Variants in BICRA observed in about 807,000 individuals in gnomAD.
BICRA encodes BRD4 interacting chromatin remodeling complex associated protein.
In BICRA, 31 loss-of-function variants were observed where a neutral mutation model predicts 96.9. The ratio of observed to expected loss-of-function variants is 0.32; its 90% CI spans 0.24 to 0.43. The LOEUF is 0.43. Among genes scored for constraint, BICRA ranks in the 20% least tolerant of loss-of-function variants. The pLI, the probability that BICRA is intolerant of heterozygous loss-of-function variation, is 1.00. For missense variants in BICRA, 2,283 were observed against 2,190.3 expected (o/e 1.04, Z -0.84); for synonymous variants, 1,350 against 1,071.8 (o/e 1.26, Z -5.07).
At chr19:47,674,008 G>A (rs1972904936) in intron 4 of BICRA, among the ~76,000 whole-genome samples, 1 of 152,168 alleles carries the variant, frequency 6.6e-6, no homozygotes. Flanking sequence ...ACCATGTAGA[G>A]TATGATAAAA....
intron 2 of BICRA, among the ~76,000 whole-genome samples, chr19:47,671,949 G>A (rs1373542417): frequency 7.6e-6 from 1 of 131,298 alleles, no homozygotes; most frequent in Non-Finnish European, 1.6e-5. Flanking sequence ...GGATGGGTGG[G>A]TAGATGGATG....
chr19:47,665,929 G>A (rs753806853), intron 1 of BICRA, among the ~76,000 whole-genome samples: 5 of 152,234 alleles, frequency 3.3e-5, no homozygotes, highest in Non-Finnish European at 5.9e-5. Flanking sequence ...AAGTGGGGCC[G>A]GGGACTTCTG....
intron 1 of BICRA, among the ~76,000 whole-genome samples, chr19:47,643,579 T>TC (rs1255893361): frequency 3.3e-5 from 5 of 152,142 alleles, no homozygotes; most frequent in African/African-American, 9.7e-5. Flanking sequence ...GACACCAGCC[T>TC]CCCACTGGGT....
At chr19:47,647,590 T>C (rs1455427686) in intron 1 of BICRA, among the ~76,000 whole-genome samples, 1 of 151,986 alleles carries the variant, frequency 6.6e-6, no homozygotes, top group Non-Finnish European at 1.5e-5. Flanking sequence ...ACAGGAAAAA[T>C]GATCTGTGGG....
chr19:47,621,666 G>T (rs1439124208), intron 1 of BICRA, among the ~76,000 whole-genome samples: 1 of 151,674 alleles, frequency 6.6e-6, no homozygotes, highest in Non-Finnish European at 1.5e-5. Flanking sequence ...TAGAGAGGGG[G>T]TTTCACCATG....
At chr19:47,627,992 A>G (rs1972165669) in intron 1 of BICRA, among the ~76,000 whole-genome samples, 1 of 151,914 alleles carries the variant, frequency 6.6e-6, no homozygotes, top group Non-Finnish European at 1.5e-5. Context: ...CTGGTCTCGA[A>G]CCCCTGACCT....
rs58327756 is a variant in BICRA at position 47,661,213 on chromosome 19, CA to C, written c.-107-9214del. On this transcript the variant is annotated intron_variant, in intron 1 of 14. Transcript: ENST00000594866. ...TGGGTGACTGAGCGAGACTCCGTCT[CA>C]AAAAAAAAAAAAAAAGACGAAGTAC... Among the ~76,000 whole-genome samples the C allele has an allele frequency of 1.4e-3, 110 of 76,458 alleles. 2 individuals are homozygous for C. Among genetic ancestry groups the C allele is most frequent in the African/African-American group, 2.8e-3 (47 of 16,822 alleles). The allele number at this position is 76,458 out of a possible 152,430, so 50.2% of individuals were successfully genotyped here. A position where few individuals can be genotyped will look rare whatever the true frequency, so the allele number is the denominator to read the frequency against.
upstream of BICRA, chr19:47,608,411 C>T (rs531741378): frequency 6.6e-6 from 1 of 152,366 alleles, no homozygotes; most frequent in South Asian, 2.1e-4. Flanking sequence ...CCTCCATCCC[C>T]TCCATTTCCT....
intron 11 of BICRA, among the ~76,000 whole-genome samples, chr19:47,697,428 T>C (rs990539217): frequency 5.9e-5 from 9 of 151,942 alleles, no homozygotes; most frequent in Non-Finnish European, 8.8e-5. Flanking sequence ...TTTATATATA[T>C]TGTGGAGACA....
chr19:47,629,001 T>C (rs1360939478), intron 1 of BICRA, among the ~76,000 whole-genome samples: 1 of 151,820 alleles, frequency 6.6e-6, no homozygotes, highest in Non-Finnish European at 1.5e-5. Flanking sequence ...CAACTGAAAC[T>C]TTATTTATTT....
chr19:47,613,248 T>C (rs1971935877), intron 1 of BICRA, among the ~76,000 whole-genome samples: 1 of 152,118 alleles, frequency 6.6e-6, no homozygotes, highest in Admixed American at 6.5e-5. Flanking sequence ...GTGGGCCACC[T>C]TGTAGCCCAG....
rs1973000221 is a variant in BICRA at position 47,679,704 on chromosome 19, C to G, written c.534C>G (p.His178Gln). 1 of 1,534,688 alleles carries G rather than the reference C, an allele frequency of 6.5e-7. No homozygotes were observed. Among genetic ancestry groups the G allele is most frequent in the Non-Finnish European group, 8.8e-7 (1 of 1,142,080 alleles). The part of the protein sequence containing the change: ...GLQGPPTVLT[H>Q]QALVPPQDVV... ...AGGGCCCGCCTACCGTGCTGACCCA[C>G]CAGGCCCTGGTGCCGCCCCAGGACG... The change falls in exon 6 of 15, where the codon CAC becomes CAG. Residue 178 changes from histidine to glutamine, a missense_variant. Transcript: ENST00000594866.
At position 47,695,345 on chromosome 19, in the gene BICRA, CCCA is replaced by C; in HGVS notation, c.3077-17_3077-15del. On this transcript the variant is annotated splice_polypyrimidine_tract_variant and intron_variant, in intron 9 of 14. Coordinates refer to ENST00000594866, the MANE Select transcript of BICRA (RefSeq NM_001394372.1). ...TGCAGTGACCGCAGGCCCTGTCTCC[CCCA>C]CCCCACCCACCCCCAGGCCTCCCTC... 2 of 507,370 alleles carry C rather than the reference CCCA, an allele frequency of 3.9e-6. No individual in the cohort carries two copies. Among genetic ancestry groups the C allele is most frequent in the Admixed American group, 3.3e-5 (1 of 30,462 alleles). 31.4% of individuals were successfully genotyped at this position (507,370 alleles called of 1,614,324 possible). A position where few individuals can be genotyped will look rare whatever the true frequency, so the allele number is the denominator to read the frequency against.
intron 1 of BICRA, among the ~76,000 whole-genome samples, chr19:47,638,956 A>G (rs1972342541): frequency 6.6e-6 from 1 of 151,842 alleles, no homozygotes; most frequent in Admixed American, 6.6e-5. Context: ...TGCCCTGCCA[A>G]CAGCAGGTTA....
intron 1 of BICRA, among the ~76,000 whole-genome samples, chr19:47,628,197 C>T (rs1460460927): frequency 2.6e-5 from 4 of 152,170 alleles, no homozygotes; most frequent in Admixed American, 1.3e-4. Flanking sequence ...AACCCCTCTT[C>T]GGTCTGTATG....
intron 9 of BICRA, 23 bp from the exon 10 acceptor site, chr19:47,695,342 T>TCCTCCCCCCCCCCCCCC: frequency 1.6e-6 from 1 of 630,200 alleles, no homozygotes; most frequent in Non-Finnish European, 2.8e-6. Context: ...AGGCCCTGTC[T>TCCTCCCCCCCCCCCCCC]CCCCCACCCC....
chr19:47,610,573 C>T (rs1422740054), intron 1 of BICRA, among the ~76,000 whole-genome samples: 2 of 150,616 alleles, frequency 1.3e-5, no homozygotes, highest in Non-Finnish European at 3.0e-5. Flanking sequence ...CAGTCTGTGC[C>T]CAGGCCCATG....
Position 47,679,771 on chromosome 19 carries a change from G to T in BICRA, c.601G>T (p.Val201Leu), listed in dbSNP as rs1318616758. ...GAGTGTGCAGCCCTTCCTGCAGCCT[G>T]TGGGCCTGGGCAATGTGACACTGCA... ...ALSVQPFLQP[V>L]GLGNVTLQPI... Residue 201 changes from valine (V) to leucine (L), a missense_variant, in exon 6 of 15, where the codon GTG becomes TTG. Physicochemically the swap from Val to Leu is conservative, Grantham distance 32. Coordinates refer to ENST00000594866, the MANE Select transcript of BICRA (RefSeq NM_001394372.1). 5.3e-6 allele frequency: 8 copies of T among 1,512,528 alleles called. No individual in the cohort carries two copies. Among genetic ancestry groups the T allele is most frequent in the Non-Finnish European group, 6.2e-6 (7 of 1,131,722 alleles). The allele number at this position is 1,512,528 out of a possible 1,614,324, so 93.7% of individuals were successfully genotyped here.
chr19:47,632,791 C>T (rs1307781898), intron 1 of BICRA, among the ~76,000 whole-genome samples: 1 of 152,128 alleles, frequency 6.6e-6, no homozygotes, highest in Non-Finnish European at 1.5e-5. Flanking sequence ...GCCCACCCAG[C>T]CTAGGGAAAG....
Sources: gnomAD v4.1 joint callset for allele counts (sites outside exome capture counted in the v4.1 genomes callset) on GRCh38, gnomAD v4.1.1 for gene constraint, MANE v1.5 for transcripts, NCBI Gene and HGNC (gene_info 2026-07-23, HGNC 2026-07-21) for gene names.